The following LIN28A variants were observed in gnomAD, a reference collection of about 807,000 sequenced individuals.
LIN28A encodes the protein lin-28 RNA binding posttranscriptional regulator A, also known as protein lin-28 homolog A.
In LIN28A, 11 loss-of-function variants were observed where a neutral mutation model predicts 21.1. The ratio of observed to expected loss-of-function variants is 0.52; its 90% CI spans 0.33 to 0.86. The LOEUF is 0.86. Among genes scored for constraint, LIN28A ranks in the 40% least tolerant of loss-of-function variants. The pLI, the probability that LIN28A is intolerant of heterozygous loss-of-function variation, is 0.03. For missense variants in LIN28A, 219 were observed against 279.8 expected, an observed-to-expected ratio of 0.78 and a Z score of 1.55; for synonymous variants, 111 against 108.7, an observed-to-expected ratio of 1.02 and a Z score of -0.13.
At position 26,411,561 on chromosome 1, in the gene LIN28A, A is replaced by G. The variant is rs778485284; in HGVS notation, c.207A>G (p.Pro69=). 1.2e-6 allele frequency: 2 copies of G among 1,613,732 alleles called. No homozygotes were observed. Among genetic ancestry groups the G allele is most frequent in the East Asian group, 2.2e-5 (1 of 44,834 alleles). ...TARAGVALDP[P]VDVFVHQSKL... ...GCGCCGGGGTCGCGCTCGACCCCCCAGTGGATGTCTTTGTGCACCAGGTGA... is the reference window on the plus strand; with the variant it reads ...GCGCCGGGGTCGCGCTCGACCCCCCGGTGGATGTCTTTGTGCACCAGGTGA... Residue 69 remains proline (P), a synonymous_variant, in exon 2 of 4, where the codon CCA becomes CCG. Transcript: ENST00000326279. The surrounding 1 kb of genome is among the most constrained non-coding windows in gnomAD (Gnocchi z 5.4).
intron 2 of LIN28A, among the ~76,000 whole-genome samples, chr1:26,412,244 G>C (rs2074965059): frequency 6.6e-6 from 1 of 152,156 alleles, no homozygotes; most frequent in Non-Finnish European, 1.5e-5. Flanking sequence ...AGGCTGGGAG[G>C]GAAGTCGGTA....
At chr1:26,425,074 T>G (rs1385346056) in intron 2 of LIN28A, among the ~76,000 whole-genome samples, 1 of 152,202 alleles carries the variant, frequency 6.6e-6, no homozygotes, top group Non-Finnish European at 1.5e-5. Context: ...ACTTTAAACC[T>G]GAATAGCTAC....
Position 26,419,647 on chromosome 1 carries a change from G to A in LIN28A, c.229-5656G>A, listed in dbSNP as rs192785074. Among the ~76,000 whole-genome samples the A allele has an allele frequency of 6.6e-5, 10 of 152,258 alleles. No homozygotes were observed. The East Asian group carries it at 1.2e-3, about 18-fold the overall frequency. ...TGAGGATTTATGTGTAGCAGGCGAA[G>A]TGCTAACTACTTTTCATGTGTAAAA... On this transcript the variant is annotated intron_variant, in intron 2 of 3. Coordinates refer to ENST00000326279, the MANE Select transcript of LIN28A (RefSeq NM_024674.6).
At chr1:26,420,404 A>G (rs928168206) in intron 2 of LIN28A, among the ~76,000 whole-genome samples, 6 of 152,094 alleles carry the variant, frequency 3.9e-5, no homozygotes, top group African/African-American at 7.2e-5. Flanking sequence ...GCATGAGGTC[A>G]GGAGTTTGAG....
intron 2 of LIN28A, among the ~76,000 whole-genome samples, chr1:26,417,859 C>A (rs181305409): frequency 1.3e-5 from 2 of 152,164 alleles, no homozygotes. Context: ...CAGAATCTTC[C>A]GGCTGGAATG....
Position 26,411,635 on chromosome 1 carries a change from T to A in LIN28A, c.228+53T>A. 6.4e-7 allele frequency: 1 copy of A among 1,555,700 alleles called. No homozygotes were observed. Among genetic ancestry groups the A allele is most frequent in the Non-Finnish European group, 8.8e-7 (1 of 1,140,902 alleles). ...AGGGAAGGGCGTCTAGGCGCCCATA[T>A]CCACGGGTGGGCTCCGGGCTCGCAG... On this transcript the variant is annotated intron_variant, in intron 2 of 3. Coordinates refer to ENST00000326279, the MANE Select transcript of LIN28A (RefSeq NM_024674.6). The surrounding 1 kb of genome is among the most constrained non-coding windows in gnomAD (Gnocchi z 5.4).
chr1:26,426,624 G>T lies in LIN28A; in HGVS notation c.*166G>T. Reference sequence around the variant, plus strand: ...TTCCCTCTAGGTGGGGGGAAAGGGTGAGTCAAAGGAACTCCAACCATGCTC... The same window carrying T: ...TTCCCTCTAGGTGGGGGGAAAGGGTTAGTCAAAGGAACTCCAACCATGCTC... On this transcript the variant is annotated 3_prime_UTR_variant, in exon 4 of 4. Transcript: ENST00000326279. 1 of 623,312 alleles carries T rather than the reference G, an allele frequency of 1.6e-6. No individual in the cohort carries two copies. The highest frequency in any genetic ancestry group is 1.9e-5 in the South Asian group (1 of 51,302). The allele number at this position is 623,312 out of a possible 1,614,324, so 38.6% of individuals were successfully genotyped here. A position where few individuals can be genotyped will look rare whatever the true frequency, so the allele number is the denominator to read the frequency against.
rs1370358826 is a variant in LIN28A at position 26,423,420 on chromosome 1, T to C, written c.229-1883T>C. Among the ~76,000 whole-genome samples, 22 of 105,976 alleles carry C rather than the reference T, an allele frequency of 2.1e-4. No homozygotes were observed. In the South Asian group the frequency reaches 5.8e-3, roughly 28 times the overall value. 69.5% of individuals were successfully genotyped at this position (105,976 alleles called of 152,430 possible). On this transcript the variant is annotated intron_variant, in intron 2 of 3. Transcript: ENST00000326279. ...TTCCTTTTTTTTCTTTTTCTTTTTTTTTTTTTTTTTTTTTTTGTTGTTGTT... is the reference window on the plus strand; with the variant it reads ...TTCCTTTTTTTTCTTTTTCTTTTTTCTTTTTTTTTTTTTTTTGTTGTTGTT...
chr1:26,424,068 T>C (rs1278575173), intron 2 of LIN28A, among the ~76,000 whole-genome samples: 1 of 151,352 alleles, frequency 6.6e-6, no homozygotes, highest in Non-Finnish European at 1.5e-5. Flanking sequence ...GCCTTTTTTT[T>C]TTTCTTTTTT....
intron 2 of LIN28A, among the ~76,000 whole-genome samples, chr1:26,418,364 G>A (rs1291494079): frequency 6.6e-6 from 1 of 152,190 alleles, no homozygotes; most frequent in East Asian, 1.9e-4. Flanking sequence ...GGCTAACGCG[G>A]TGAAACCCCG....
intron 2 of LIN28A, among the ~76,000 whole-genome samples, chr1:26,423,243 G>A (rs1196972710): frequency 1.3e-5 from 2 of 151,834 alleles, no homozygotes; most frequent in Non-Finnish European, 2.9e-5. Context: ...ATTTCGTCAC[G>A]TAGGCCAGGC....
At chr1:26,415,054 A>G (rs2074984964) in intron 2 of LIN28A, among the ~76,000 whole-genome samples, 1 of 152,180 alleles carries the variant, frequency 6.6e-6, no homozygotes, top group Non-Finnish European at 1.5e-5. Flanking sequence ...AAATTTGGAA[A>G]TAAGAAAAGT....
chr1:26,419,569 C>T (rs911212260), intron 2 of LIN28A, among the ~76,000 whole-genome samples: 5 of 152,178 alleles, frequency 3.3e-5, no homozygotes, highest in African/African-American at 1.2e-4. Flanking sequence ...GCACTTAGTT[C>T]TCTCTGTTAA....
At chr1:26,423,275 A>C (rs1169970595) in intron 2 of LIN28A, among the ~76,000 whole-genome samples, 9 of 152,108 alleles carry the variant, frequency 5.9e-5, no homozygotes, top group African/African-American at 2.2e-4. Flanking sequence ...TCCTGGATTC[A>C]TGTGATCTGC....
intron 2 of LIN28A, among the ~76,000 whole-genome samples, chr1:26,418,515 C>A (rs547347559): frequency 6.7e-6 from 1 of 150,306 alleles, no homozygotes; most frequent in Non-Finnish European, 1.5e-5. Flanking sequence ...CACTGCACTC[C>A]GGCCTGGGCA....
At chr1:26,412,561 A>C (rs2074967179) in intron 2 of LIN28A, among the ~76,000 whole-genome samples, 2 of 152,058 alleles carry the variant, frequency 1.3e-5, no homozygotes, top group African/African-American at 4.8e-5. Context: ...TGGCCCTTCC[A>C]TCTTTGGAGG....
intron 2 of LIN28A, among the ~76,000 whole-genome samples, chr1:26,424,710 G>C (rs973036663): frequency 1.3e-5 from 2 of 151,856 alleles, no homozygotes. Context: ...TCTTCCAAAT[G>C]CTTGTATTTA....
intron 2 of LIN28A, among the ~76,000 whole-genome samples, chr1:26,418,446 TGAGGCAGGAG>T (rs944934733): frequency 2.6e-5 from 4 of 151,438 alleles, no homozygotes; most frequent in Non-Finnish European, 5.9e-5. Flanking sequence ...CTCGGCAGGC[TGAGGCAGGAG>T]AATGGCGTGA....
chr1:26,416,616 C>T (rs1237771822), intron 2 of LIN28A, among the ~76,000 whole-genome samples: 1 of 151,664 alleles, frequency 6.6e-6, no homozygotes, highest in Admixed American at 6.6e-5. Flanking sequence ...ATCTCACCAT[C>T]GAGGTTTTTT....
Sources: allele counts gnomAD v4.1 joint callset (sites outside exome capture counted in the v4.1 genomes callset), GRCh38; gene constraint gnomAD v4.1.1; non-coding constraint Gnocchi (gnomAD v3.1); transcripts MANE v1.5; gene names NCBI Gene and HGNC (gene_info 2026-07-23, HGNC 2026-07-21).